Variants in EXT2 observed in about 807,000 individuals in gnomAD.
EXT2 encodes the protein exostosin-2.
Under a neutral mutation model 81.6 loss-of-function variants are expected in EXT2, and 53 were observed. The observed-to-expected ratio is 0.65, with a 90% confidence interval of 0.52 to 0.82. The LOEUF is 0.82. Ranked by LOEUF, EXT2 falls within the 40% of genes least tolerant of loss-of-function variation. The probability of loss-of-function intolerance (pLI) is 0.00; values close to 1 mark genes in which losing one functional copy is unlikely to be tolerated. For synonymous variants in EXT2, 320 were observed against 340.0 expected, an observed-to-expected ratio of 0.94 and a Z score of 0.65; for missense variants, 774 against 910.2, an observed-to-expected ratio of 0.85 and a Z score of 1.93.
chr11:44,230,082 T>C (rs998893654), intron 10 of EXT2, among the ~76,000 whole-genome samples: 12 of 152,156 alleles, frequency 7.9e-5, no homozygotes, highest in African/African-American at 2.9e-4. Flanking sequence ...TGGTTGCGGG[T>C]GCTGTTTGCT....
At chr11:44,179,148 C>T (rs1955199421) in intron 8 of EXT2, among the ~76,000 whole-genome samples, 1 of 152,066 alleles carries the variant, frequency 6.6e-6, no homozygotes, top group South Asian at 2.1e-4. Flanking sequence ...AAATGAAAAT[C>T]ACAAGCCAGA....
At chr11:44,170,069 A>T (rs2135124261) in intron 7 of EXT2, among the ~76,000 whole-genome samples, 1 of 152,352 alleles carries the variant, frequency 6.6e-6, no homozygotes, top group East Asian at 1.9e-4. Context: ...TTTTAAGTGT[A>T]CATAGATTAT....
chr11:44,158,689 C>G (rs1474138077), intron 7 of EXT2, among the ~76,000 whole-genome samples: 1 of 151,570 alleles, frequency 6.6e-6, no homozygotes, highest in African/African-American at 2.4e-5. Context: ...CTCTAATGCT[C>G]TTTCTTTCCT....
intron 2 of EXT2, 70 bp downstream of exon 2, chr11:44,108,318 G>A: frequency 2.0e-6 from 3 of 1,511,150 alleles, no homozygotes; most frequent in Non-Finnish European, 2.7e-6. Context: ...AAAGGGAAGG[G>A]AAGGATGGGA....
chr11:44,164,284 T>G lies in EXT2; in HGVS notation c.1174-7327T>G, dbSNP rs570595158. 3.3e-5 allele frequency among the ~76,000 whole-genome samples: 5 copies of G among 152,322 alleles called. No homozygotes were observed. In the South Asian group the frequency reaches 8.3e-4, roughly 25 times the overall value. On this transcript the variant is annotated intron_variant, in intron 7 of 13. Coordinates refer to ENST00000533608, the MANE Select transcript of EXT2 (RefSeq NM_207122.2). ...CTTTTTCACTAGATCCTTTAATATA[T>G]TAATTATAGTTAAAGTCCTTGTCTA...
At position 44,247,108 on chromosome 11, in the gene EXT2, G is replaced by A. The variant is rs1956100678; in HGVS notation, c.*2821G>A. Among the ~76,000 whole-genome samples, 1 of 152,172 alleles carries A rather than the reference G, an allele frequency of 6.6e-6. No homozygotes were observed. Among genetic ancestry groups the A allele is most frequent in the South Asian group, 2.1e-4 (1 of 4,832 alleles). ...ATTAACATTACATAGTTGTTAAAAT[G>A]TTTATCTCATGTATTTTACCAACCC... On this transcript the variant is annotated 3_prime_UTR_variant, in exon 14 of 14. Coordinates refer to ENST00000533608, the MANE Select transcript of EXT2 (RefSeq NM_207122.2).
chr11:44,102,801 C>T (rs905344604), intron 1 of EXT2, among the ~76,000 whole-genome samples: 3 of 152,086 alleles, frequency 2.0e-5, no homozygotes, highest in African/African-American at 7.2e-5. Flanking sequence ...ATTAAGGAGA[C>T]TAAACATCTT....
chr11:44,187,394 T>C (rs1262996071), intron 8 of EXT2, among the ~76,000 whole-genome samples: 1 of 151,906 alleles, frequency 6.6e-6, no homozygotes, highest in East Asian at 1.9e-4. Context: ...CAGGCTGATG[T>C]TGAACTCCTG....
intron 10 of EXT2, among the ~76,000 whole-genome samples, chr11:44,209,135 A>G (rs1054804695): frequency 6.6e-6 from 1 of 152,234 alleles, no homozygotes; most frequent in Non-Finnish European, 1.5e-5. Context: ...TCATGAGGTT[A>G]TTATTTGCAT....
At chr11:44,181,389 T>A (rs1317538149) in intron 8 of EXT2, among the ~76,000 whole-genome samples, 2 of 152,212 alleles carry the variant, frequency 1.3e-5, no homozygotes, top group Admixed American at 1.3e-4. Flanking sequence ...TGGACCCTTT[T>A]AAACTGGAAA....
chr11:44,173,542 C>CT (rs989504397), intron 8 of EXT2, among the ~76,000 whole-genome samples: 14 of 109,410 alleles, frequency 1.3e-4, no homozygotes, highest in African/African-American at 4.1e-4. Flanking sequence ...AGACTGCTTT[C>CT]TTTTTTTTTC....
At chr11:44,191,349 C>T (rs1317313915) in intron 8 of EXT2, among the ~76,000 whole-genome samples, 2 of 152,222 alleles carry the variant, frequency 1.3e-5, no homozygotes, top group South Asian at 2.1e-4. Context: ...TTTGGTATCT[C>T]CTCCTACCTT....
chr11:44,238,592 A>G lies in EXT2; in HGVS notation c.2018+2217A>G, dbSNP rs74329903. Among the ~76,000 whole-genome samples the G allele has an allele frequency of 5.5e-3, 844 of 152,318 alleles. 14 individuals are homozygous for G. Among genetic ancestry groups the G allele is most frequent in the African/African-American group, 0.019 (799 of 41,570 alleles). On this transcript the variant is annotated intron_variant, in intron 13 of 13. Transcript: ENST00000533608. ...GTGTTACATGTATATGTAACAATGCAATTTGTGATGAGCGCCCTGAGAGAG... is the reference window on the plus strand; with the variant it reads ...GTGTTACATGTATATGTAACAATGCGATTTGTGATGAGCGCCCTGAGAGAG...
intron 1 of EXT2, among the ~76,000 whole-genome samples, chr11:44,097,413 G>T (rs1323756599): frequency 2.0e-5 from 3 of 152,126 alleles, no homozygotes; most frequent in Non-Finnish European, 4.4e-5. Flanking sequence ...CTTATATTTG[G>T]TTCCTCTGTT....
chr11:44,118,207 A>T (rs973261628), intron 4 of EXT2, among the ~76,000 whole-genome samples: 1 of 152,208 alleles, frequency 6.6e-6, no homozygotes, highest in African/African-American at 2.4e-5. Flanking sequence ...TTGCATCTTT[A>T]AGGTGAATAT....
intron 8 of EXT2, among the ~76,000 whole-genome samples, chr11:44,189,582 C>T (rs972985449): frequency 1.3e-5 from 2 of 152,114 alleles, no homozygotes; most frequent in African/African-American, 4.8e-5. Context: ...GGGGGAGGTA[C>T]TACACACTTC....
At chr11:44,145,515 T>C (rs180730133) in intron 7 of EXT2, among the ~76,000 whole-genome samples, 1 of 152,182 alleles carries the variant, frequency 6.6e-6, no homozygotes. Context: ...AGTAGGATCA[T>C]GAGCTCACAT....
intron 10 of EXT2, among the ~76,000 whole-genome samples, chr11:44,219,554 C>T (rs1955760130): frequency 6.6e-6 from 1 of 152,086 alleles, no homozygotes; most frequent in Admixed American, 6.5e-5. Context: ...TTCTCACAGG[C>T]TTGTGCTTAT....
intron 7 of EXT2, among the ~76,000 whole-genome samples, chr11:44,137,157 G>A (rs980411089): frequency 6.6e-6 from 1 of 151,962 alleles, no homozygotes; most frequent in Non-Finnish European, 1.5e-5. Flanking sequence ...TTTCAACTTT[G>A]TTATTAAGAA....
Sources: gnomAD v4.1 joint callset for allele counts (sites outside exome capture counted in the v4.1 genomes callset) on GRCh38, gnomAD v4.1.1 for gene constraint, MANE v1.5 for transcripts, NCBI Gene and HGNC (gene_info 2026-07-23, HGNC 2026-07-21) for gene names.